PPP1R12B: variants seen among roughly 807,000 people sequenced by gnomAD.
The protein encoded by PPP1R12B is protein phosphatase 1 regulatory subunit 12B.
A neutral mutation model predicts 126.1 loss-of-function variants in PPP1R12B; 76 were observed. The observed-to-expected ratio is 0.60, with a 90% CI of 0.50 to 0.73. The LOEUF is 0.73. PPP1R12B is among the 30% of genes least tolerant of loss of function. The probability of loss-of-function intolerance (pLI) is 0.00; values close to 1 mark genes in which losing one functional copy is unlikely to be tolerated. For missense variants in PPP1R12B, 1,052 were observed against 1,205.1 expected (o/e 0.87, Z 1.88); for synonymous variants, 356 against 434.7 (o/e 0.82, Z 2.25).
chr1:202,381,814 A>G (rs1662327817), intron 1 of PPP1R12B, among the ~76,000 whole-genome samples: 1 of 152,198 alleles, frequency 6.6e-6, no homozygotes. Flanking sequence ...TGAGTAGCAT[A>G]AAGTCCAGAA....
intron 1 of PPP1R12B, among the ~76,000 whole-genome samples, chr1:202,395,375 A>C (rs1290902402): frequency 1.3e-5 from 2 of 152,168 alleles, no homozygotes; most frequent in African/African-American, 4.8e-5. Flanking sequence ...AAAATAAAAT[A>C]CCGCCGCTCC....
Position 202,422,621 on chromosome 1 carries a change from TATTTC to T in PPP1R12B, c.428_432del (p.Phe143Ter), listed in dbSNP as rs1387645599. 1 of 1,613,254 alleles carries T rather than the reference TATTTC, an allele frequency of 6.2e-7. No individual in the cohort carries two copies. Among genetic ancestry groups the T allele is most frequent in the Non-Finnish European group, 8.5e-7 (1 of 1,179,280 alleles). On this transcript the variant is annotated frameshift_variant and splice_region_variant, in exon 3 of 24. Transcript: ENST00000608999. LOFTEE classifies it high-confidence loss of function. ...TGATCCTGGATCTTGTCTACGCAGGTATTTCATTAATCACGGAGCCAGTGTAGGTA... is the reference window on the plus strand; with the variant it reads ...TGATCCTGGATCTTGTCTACGCAGGTATTAATCACGGAGCCAGTGTAGGTA...
intron 18 of PPP1R12B, 198 bp from the exon 19 acceptor site, chr1:202,558,679 T>G: frequency 2.0e-6 from 1 of 506,668 alleles, no homozygotes. Context: ...CAAAGAAGTG[T>G]GAACTAGGGC....
At chr1:202,552,665 C>T (rs1342848756) in intron 18 of PPP1R12B, among the ~76,000 whole-genome samples, 1 of 152,156 alleles carries the variant, frequency 6.6e-6, no homozygotes, top group Non-Finnish European at 1.5e-5. Flanking sequence ...AGCTAGTACA[C>T]AAGAACATAA....
Position 202,431,554 on chromosome 1 carries a change from G to A in PPP1R12B, c.1076G>A (p.Ser359Asn). 1 of 1,613,416 alleles carries A rather than the reference G, an allele frequency of 6.2e-7. No homozygotes were observed. The highest frequency in any genetic ancestry group is 8.5e-7 in the Non-Finnish European group (1 of 1,179,588). The change falls in exon 8 of 24, where the codon AGC (serine) becomes AAC (asparagine). Residue 359 changes from serine (S) to asparagine (N), a missense_variant. Coordinates refer to ENST00000608999, the MANE Select transcript of PPP1R12B (RefSeq NM_002481.4). ...GAGGAAGAAAATAAAGAATCTAGTA[G>A]CTCCAGCTCAGAGGAGGAGGAAGGT... ...EMEEENKESS[S>N]SSSEEEEGED...
rs537413428 is a variant in PPP1R12B at position 202,439,244 on chromosome 1, T to C, written c.1458+1220T>C. On this transcript the variant is annotated intron_variant, in intron 10 of 23. Coordinates refer to ENST00000608999, the MANE Select transcript of PPP1R12B (RefSeq NM_002481.4). Reference sequence around the variant, plus strand: ...CCTCGTTGGAGCACCATCCAGACAATATCAAGGCTGTCCTCCACAGAGGCA... The same window carrying C: ...CCTCGTTGGAGCACCATCCAGACAACATCAAGGCTGTCCTCCACAGAGGCA... The C allele has an allele frequency of 1.0e-4, 144 of 1,387,480 alleles. No homozygotes were observed. In the African/African-American group the frequency reaches 1.5e-3, roughly 15 times the overall value. The allele number at this position is 1,387,480 out of a possible 1,614,324, so 85.9% of individuals were successfully genotyped here.
intron 18 of PPP1R12B, chr1:202,539,863 A>G (rs958048461): frequency 1.0e-4 from 27 of 261,472 alleles, no homozygotes; most frequent in Non-Finnish European, 1.9e-4. Flanking sequence ...GGTGTTGCTC[A>G]GCACAATACC....
intron 1 of PPP1R12B, among the ~76,000 whole-genome samples, chr1:202,388,355 T>G (rs1663517390): frequency 6.6e-6 from 1 of 151,860 alleles, no homozygotes; most frequent in Non-Finnish European, 1.5e-5. Flanking sequence ...TTTTGTATTT[T>G]AGTAGAGACG....
chr1:202,481,576 ATTATT>A (rs1677371620), intron 13 of PPP1R12B, among the ~76,000 whole-genome samples: 1 of 152,042 alleles, frequency 6.6e-6, no homozygotes, highest in African/African-American at 2.4e-5. Context: ...TATTAGGGCT[ATTATT>A]TTCTTTTTAT....
rs544494687 is a variant in PPP1R12B at position 202,450,123 on chromosome 1, G to C, written c.1850+952G>C. Among the ~76,000 whole-genome samples, 260 of 152,284 alleles carry C rather than the reference G, an allele frequency of 1.7e-3. 1 individual carries two copies. Among genetic ancestry groups the C allele is most frequent in the Admixed American group, 5.2e-3 (79 of 15,302 alleles). ...TTTTGTTTTGTTATGGATAGTCTAC[G>C]TTGACTTCTCTGGCAGCAAAGAAAG... On this transcript the variant is annotated intron_variant, in intron 13 of 23. Coordinates refer to ENST00000608999, the MANE Select transcript of PPP1R12B (RefSeq NM_002481.4).
chr1:202,564,367 C>T (rs1052917792), intron 20 of PPP1R12B, 76 bp from the exon 21 acceptor site: 10 of 1,093,968 alleles, frequency 9.1e-6, no homozygotes, highest in Non-Finnish European at 1.4e-5. Flanking sequence ...GGGCACAGAG[C>T]CCTGGGCATT....
chr1:202,563,054 T>A, intron 20 of PPP1R12B, 132 bp downstream of exon 20: 1 of 1,058,588 alleles, frequency 9.4e-7, no homozygotes, highest in Non-Finnish European at 1.3e-6. Context: ...AATAATTCCT[T>A]GCAGTTTTCT....
rs1398951717 is a variant in PPP1R12B, at chr1:202,592,234, ACTGCACCGGGCC to A, written c.*11678_*11689del. Reference sequence around the variant, plus strand: ...TGGGATGCCAGATACCAGGCTGGACACTGCACCGGGCCCTGAGGTTTGGCTCTGCAGGCAGAT... The same window carrying A: ...TGGGATGCCAGATACCAGGCTGGACACTGAGGTTTGGCTCTGCAGGCAGAT... On this transcript the variant is annotated 3_prime_UTR_variant, in exon 24 of 24. Transcript: ENST00000608999. 6.5e-6 allele frequency: 1 copy of A among 152,764 alleles called. No homozygotes were observed. Among genetic ancestry groups the A allele is most frequent in the Non-Finnish European group, 1.5e-5 (1 of 68,126 alleles). 9.5% of individuals were successfully genotyped at this position (152,764 alleles called of 1,614,324 possible). A position where few individuals can be genotyped will look rare whatever the true frequency, so the allele number is the denominator to read the frequency against.
rs768255205 is a variant in PPP1R12B at position 202,575,109 on chromosome 1, C to T, written c.2863-5365C>T. On this transcript the variant is annotated intron_variant, in intron 23 of 23. Transcript: ENST00000608999. ...TGGTGGCCAGACTCTCGGAGTCCAT[C>T]GAGTCCTCGGACACCCAGGAGCTCT... is the stretch of plus-strand genomic sequence containing the variant. 1.1e-5 allele frequency: 18 copies of T among 1,613,674 alleles called. 1 individual carries two copies. In the African/African-American group the frequency reaches 1.2e-4, roughly 11 times the overall value.
At chr1:202,540,672 C>T (rs1685031513) in intron 18 of PPP1R12B, among the ~76,000 whole-genome samples, 1 of 152,166 alleles carries the variant, frequency 6.6e-6, no homozygotes, top group Admixed American at 6.5e-5. Flanking sequence ...ATACATTAAA[C>T]TTCAGTTTTG....
intron 18 of PPP1R12B, among the ~76,000 whole-genome samples, chr1:202,514,832 C>CA (rs1312742702): frequency 6.6e-6 from 1 of 152,166 alleles, no homozygotes; most frequent in African/African-American, 2.4e-5. Flanking sequence ...ACCCTAAAGA[C>CA]ACATGCATGC....
intron 1 of PPP1R12B, among the ~76,000 whole-genome samples, chr1:202,387,969 A>G (rs2148511675): frequency 6.6e-6 from 1 of 152,326 alleles, no homozygotes; most frequent in Admixed American, 6.5e-5. Flanking sequence ...TTAAAAGCAG[A>G]ATAATTCTAA....
intron 10 of PPP1R12B, chr1:202,438,343 AC>A: frequency 8.9e-7 from 1 of 1,124,046 alleles, no homozygotes; most frequent in Non-Finnish European, 1.3e-6. Flanking sequence ...GGGGCACAGG[AC>A]CCCAGGTAGG....
chr1:202,447,201 C>T (rs1265255021), intron 12 of PPP1R12B, among the ~76,000 whole-genome samples: 1 of 152,172 alleles, frequency 6.6e-6, no homozygotes, highest in Non-Finnish European at 1.5e-5. Context: ...CTCATGCATA[C>T]ATATATCATC....
Sources: allele counts gnomAD v4.1 joint callset (sites outside exome capture counted in the v4.1 genomes callset), GRCh38; gene constraint gnomAD v4.1.1; transcripts MANE v1.5; gene names NCBI Gene and HGNC (gene_info 2026-07-23, HGNC 2026-07-21).